The following CDC37L1 variants were observed in gnomAD, a reference collection of about 807,000 sequenced individuals.
CDC37L1 encodes cell division cycle 37 like 1, HSP90 cochaperone.
Under a neutral mutation model 45.9 loss-of-function variants are expected in CDC37L1, and 32 were observed. That is an observed-to-expected ratio of 0.70 (90% confidence interval 0.53 to 0.94). The LOEUF is 0.94. CDC37L1 is among the 40% of genes least tolerant of loss of function. The pLI, the probability that CDC37L1 is intolerant of heterozygous loss-of-function variation, is 0.00. For synonymous variants in CDC37L1, 150 were observed against 133.0 expected (o/e 1.13, Z -0.88); for missense variants, 434 against 405.7 (o/e 1.07, Z -0.60).
rs1229826086 is a variant in CDC37L1 at position 4,683,167 on chromosome 9, G to A, written c.133-1710G>A. The stretch of plus-strand genomic sequence containing the variant: ...AATATATATTATAAAATATACTTAG[G>A]GACATGGTTTATAGTACCTTGGCTC... On this transcript the variant is annotated intron_variant, in intron 1 of 6. Transcript: ENST00000381854. Among the ~76,000 whole-genome samples, 6 of 143,392 alleles carry A rather than the reference G, an allele frequency of 4.2e-5. No individual in the cohort carries two copies. In the East Asian group the frequency reaches 1.2e-3, roughly 29 times the overall value. The allele number at this position is 143,392 out of a possible 152,430, so 94.1% of individuals were successfully genotyped here. A position where few individuals can be genotyped will look rare whatever the true frequency, so the allele number is the denominator to read the frequency against.
chr9:4,696,963 T>C (rs1841353533), intron 3 of CDC37L1, 133 bp from the exon 4 acceptor site: 1 of 582,840 alleles, frequency 1.7e-6, no homozygotes, highest in Non-Finnish European at 3.1e-6. Context: ...GCTCTGGTAA[T>C]ATGAATTGTC....
At chr9:4,697,503 G>C (rs569250604) in intron 4 of CDC37L1, among the ~76,000 whole-genome samples, 1 of 151,898 alleles carries the variant, frequency 6.6e-6, no homozygotes, top group African/African-American at 2.4e-5. Flanking sequence ...TAATTTGAAA[G>C]TCGTATTTTA....
At chr9:4,702,972 C>A in intron 6 of CDC37L1, 1 of 927,750 alleles carries the variant, frequency 1.1e-6, no homozygotes, top group Non-Finnish European at 1.5e-6. Flanking sequence ...GATCAGACCA[C>A]TGGTCTGCCT....
intron 3 of CDC37L1, 23 bp from the exon 4 acceptor site, chr9:4,697,073 T>C (rs747082843): frequency 4.0e-6 from 4 of 993,022 alleles, no homozygotes; most frequent in Admixed American, 2.0e-5. Flanking sequence ...TTGACACTTA[T>C]GGTTCAATTC....
At chr9:4,703,084 A>C in intron 6 of CDC37L1, 1 of 1,542,084 alleles carries the variant, frequency 6.5e-7, no homozygotes, top group Non-Finnish European at 8.8e-7. Flanking sequence ...TCTCATTTCC[A>C]GGCTCCAAGA....
chr9:4,686,088 T>C (rs1841244271), intron 2 of CDC37L1, among the ~76,000 whole-genome samples: 1 of 152,236 alleles, frequency 6.6e-6, no homozygotes, highest in Non-Finnish European at 1.5e-5. Context: ...TGAGGATTAC[T>C]TGAACCCAGG....
intron 1 of CDC37L1, among the ~76,000 whole-genome samples, chr9:4,682,692 C>T (rs931984488): frequency 6.6e-6 from 1 of 151,180 alleles, no homozygotes; most frequent in South Asian, 2.1e-4. Context: ...AAGCTGGTTT[C>T]GAACTCCTGA....
Position 4,706,185 on chromosome 9 carries a change from T to G in CDC37L1, c.*73T>G. ...AAGAACTTGGCTATTTTCTTGACAC[T>G]TTTATGGGTGCTGCACTTTATTTTT... On this transcript the variant is annotated 3_prime_UTR_variant, in exon 7 of 7. Transcript: ENST00000381854. 2 of 756,796 alleles carry G rather than the reference T, an allele frequency of 2.6e-6. No individual in the cohort carries two copies. Among genetic ancestry groups the G allele is most frequent in the South Asian group, 2.9e-5 (2 of 68,322 alleles). The allele number at this position is 756,796 out of a possible 1,614,324, so 46.9% of individuals were successfully genotyped here.
chr9:4,697,935 T>A, intron 5 of CDC37L1, 56 bp downstream of exon 5: 2 of 1,551,126 alleles, frequency 1.3e-6, no homozygotes, highest in African/African-American at 2.7e-5. Flanking sequence ...CTGAGACCTC[T>A]TTGTTCTGTT....
chr9:4,691,194 C>A (rs915505812), intron 3 of CDC37L1, among the ~76,000 whole-genome samples: 2 of 152,058 alleles, frequency 1.3e-5, no homozygotes, highest in Non-Finnish European at 2.9e-5. Flanking sequence ...GTTTTAAATT[C>A]AGGGGTACAT....
chr9:4,694,310 G>C (rs1587620034), intron 3 of CDC37L1, among the ~76,000 whole-genome samples: 1 of 152,080 alleles, frequency 6.6e-6, no homozygotes, highest in African/African-American at 2.4e-5. Context: ...AAACTCCTGT[G>C]CTCAGGTGAT....
chr9:4,704,967 G>T (rs753240862), intron 6 of CDC37L1, among the ~76,000 whole-genome samples: 1 of 152,150 alleles, frequency 6.6e-6, no homozygotes, highest in Non-Finnish European at 1.5e-5. Flanking sequence ...GAGTGTCCCA[G>T]ACCTCAGTCA....
At chr9:4,683,080 T>C (rs1841212842) in intron 1 of CDC37L1, among the ~76,000 whole-genome samples, 2 of 143,222 alleles carry the variant, frequency 1.4e-5, no homozygotes, top group African/African-American at 5.2e-5. Flanking sequence ...ACTTTATATA[T>C]TTTATATATA....
intron 3 of CDC37L1, among the ~76,000 whole-genome samples, chr9:4,692,909 G>A (rs554113686): frequency 2.5e-4 from 38 of 152,222 alleles, no homozygotes; most frequent in African/African-American, 7.5e-4. Context: ...GTAACATGGA[G>A]CCTAGGAAAC....
chr9:4,683,150 T>A (rs972012974), intron 1 of CDC37L1, among the ~76,000 whole-genome samples: 2 of 146,052 alleles, frequency 1.4e-5, no homozygotes, highest in Non-Finnish European at 3.0e-5. Context: ...TGAATATATA[T>A]TATAAAATAT....
At chr9:4,696,335 A>G (rs1160612177) in intron 3 of CDC37L1, among the ~76,000 whole-genome samples, 1 of 152,076 alleles carries the variant, frequency 6.6e-6, no homozygotes, top group African/African-American at 2.4e-5. Context: ...TCTAAACCTA[A>G]CATTGCTATA....
In CDC37L1 at chr9:4,688,544, CAG is replaced by C. The variant is rs1563768574; in HGVS notation, c.448_449del (p.Glu150ArgfsTer2). 9 of 1,529,826 alleles carry C rather than the reference CAG, an allele frequency of 5.9e-6. No individual in the cohort carries two copies. Among genetic ancestry groups the C allele is most frequent in the African/African-American group, 1.4e-5 (1 of 71,236 alleles). 94.8% of individuals were successfully genotyped at this position (1,529,826 alleles called of 1,614,324 possible). ...ATTAATCAAGATAAAAGAAAAGACA[CAG>C]AAGATGAAGATAAATCAGAATCATT... On this transcript the variant is annotated frameshift_variant, in exon 3 of 7. Coordinates refer to ENST00000381854, the MANE Select transcript of CDC37L1 (RefSeq NM_017913.4). LOFTEE classifies it high-confidence loss of function.
chr9:4,697,710 A>T (rs1415074183), intron 4 of CDC37L1, 47 bp from the exon 5 acceptor site: 3 of 925,254 alleles, frequency 3.2e-6, no homozygotes, highest in Non-Finnish European at 4.9e-6. Flanking sequence ...TATGCCAATT[A>T]AATATATTTA....
At chr9:4,702,146 A>G (rs1266957769) in intron 6 of CDC37L1, 118 bp downstream of exon 6, 16 of 479,450 alleles carry the variant, frequency 3.3e-5, no homozygotes, top group Non-Finnish European at 5.0e-5. Context: ...TTCCTGCCTC[A>G]GAAGATAACT....
Sources: gnomAD v4.1 joint callset for allele counts (sites outside exome capture counted in the v4.1 genomes callset) on GRCh38, gnomAD v4.1.1 for gene constraint, MANE v1.5 for transcripts, NCBI Gene and HGNC (gene_info 2026-07-23, HGNC 2026-07-21) for gene names.